SRGAP3: variants seen among roughly 807,000 people sequenced by gnomAD.
SRGAP3 encodes the protein SLIT-ROBO Rho GTPase activating protein 3, also known as SLIT-ROBO Rho GTPase-activating protein 3.
Under a neutral mutation model 121.1 loss-of-function variants are expected in SRGAP3, and 39 were observed. The observed-to-expected ratio is 0.32, with a 90% CI of 0.25 to 0.42. The LOEUF is 0.42. SRGAP3 is among the 10% of genes least tolerant of loss of function. The pLI is 1.00. For synonymous variants in SRGAP3, 601 were observed against 570.0 expected (o/e 1.05, Z -0.77); for missense variants, 1,213 against 1,470.6 (o/e 0.82, Z 2.86).
rs566181375 is a variant in SRGAP3, at chr3:9,150,084, C to T, written c.68-25167G>A. 9.6e-4 allele frequency among the ~76,000 whole-genome samples: 146 copies of T among 152,212 alleles called. 2 individuals carry two copies. Among genetic ancestry groups the T allele is most frequent in the South Asian group, 4.2e-3 (20 of 4,816 alleles). On this transcript the variant is annotated intron_variant, in intron 1 of 21. Coordinates refer to ENST00000383836, the MANE Select transcript of SRGAP3 (RefSeq NM_014850.4). ...CAACTGTAATCCAGTGAGATGAACACTGGGATAGGGCAAGTGCAGGGCACA... is the reference window on the plus strand; with the variant it reads ...CAACTGTAATCCAGTGAGATGAACATTGGGATAGGGCAAGTGCAGGGCACA...
At chr3:9,008,677 C>T (rs1323688532) in intron 18 of SRGAP3, among the ~76,000 whole-genome samples, 1 of 152,180 alleles carries the variant, frequency 6.6e-6, no homozygotes, top group Non-Finnish European at 1.5e-5. Context: ...AAAGCCTCTG[C>T]AGGACACATT....
intron 1 of SRGAP3, among the ~76,000 whole-genome samples, chr3:9,138,025 A>C (rs528603379): frequency 2.3e-4 from 35 of 152,348 alleles, no homozygotes; most frequent in Admixed American, 5.2e-4. Context: ...AGGATTCATT[A>C]ATGCTGAATT....
chr3:9,310,620 T>C (rs538107188), intron 3 of SRGAP3, among the ~76,000 whole-genome samples: 1 of 152,306 alleles, frequency 6.6e-6, no homozygotes, highest in South Asian at 2.1e-4. Context: ...GGTCTGGAAC[T>C]GCTATAACCA....
intron 18 of SRGAP3, among the ~76,000 whole-genome samples, chr3:9,009,235 T>C (rs1226380335): frequency 6.6e-6 from 1 of 152,212 alleles, no homozygotes; most frequent in Non-Finnish European, 1.5e-5. Context: ...AACTGTCACC[T>C]GAATGCCTGC....
intron 3 of SRGAP3, among the ~76,000 whole-genome samples, chr3:9,273,421 T>C (rs1013769200): frequency 6.6e-6 from 1 of 152,232 alleles, no homozygotes; most frequent in African/African-American, 2.4e-5. Context: ...ATCCAAGTCC[T>C]TTGCCAAATT....
chr3:9,091,458 C>T (rs1189512179), intron 3 of SRGAP3, among the ~76,000 whole-genome samples: 2 of 152,188 alleles, frequency 1.3e-5, no homozygotes, highest in African/African-American at 4.8e-5. Context: ...TTCTTCTCCA[C>T]ACTCTGGCTT....
chr3:9,248,153 C>G (rs1319839474), intron 1 of SRGAP3, among the ~76,000 whole-genome samples: 1 of 152,256 alleles, frequency 6.6e-6, no homozygotes, highest in Admixed American at 6.5e-5. Flanking sequence ...GCAGCGCTGA[C>G]CAGCCCAAAC....
intron 3 of SRGAP3, among the ~76,000 whole-genome samples, chr3:9,087,355 A>T (rs1238661335): frequency 6.6e-6 from 1 of 151,970 alleles, no homozygotes; most frequent in Non-Finnish European, 1.5e-5. Context: ...GCCAAGGACA[A>T]GGCTAGGAAG....
chr3:9,246,845 G>C (rs931883064), intron 1 of SRGAP3, among the ~76,000 whole-genome samples: 2 of 152,182 alleles, frequency 1.3e-5, no homozygotes, highest in African/African-American at 4.8e-5. Flanking sequence ...TTAGTATTTG[G>C]AAGAGACAAG....
In SRGAP3 at chr3:8,989,909, TC is replaced by T. The variant is rs760886548; in HGVS notation, c.2886+602del. Among the ~76,000 whole-genome samples, 8 of 152,220 alleles carry T rather than the reference TC, an allele frequency of 5.3e-5. No individual in the cohort carries two copies. In the East Asian group the frequency reaches 9.6e-4, roughly 18 times the overall value. ...GTCAAGTCCTCTCCAGAGAAGTCTC[TC>T]CCTGCCTAGGTGCAATCCTCACATT... On this transcript the variant is annotated intron_variant, in intron 21 of 21. Coordinates refer to ENST00000383836, the MANE Select transcript of SRGAP3 (RefSeq NM_014850.4).
intron 1 of SRGAP3, chr3:9,349,224 C>G: frequency 1.5e-6 from 1 of 645,974 alleles, no homozygotes; most frequent in South Asian, 1.4e-5. Context: ...TCCCCAGGAG[C>G]ACCCTCCCTG....
intron 1 of SRGAP3, among the ~76,000 whole-genome samples, chr3:9,187,216 G>T (rs1560375233): frequency 1.3e-5 from 2 of 149,454 alleles, no homozygotes; most frequent in Non-Finnish European, 1.5e-5. Context: ...TGCGGTGTTT[G>T]GTTTTCTGTT....
chr3:9,068,924 C>T (rs1946550888), intron 4 of SRGAP3, among the ~76,000 whole-genome samples: 1 of 152,138 alleles, frequency 6.6e-6, no homozygotes, highest in Non-Finnish European at 1.5e-5. Context: ...CCAGGCCTTG[C>T]TTTATGCACT....
chr3:9,334,190 T>C (rs1278295557), intron 1 of SRGAP3, among the ~76,000 whole-genome samples: 1 of 152,144 alleles, frequency 6.6e-6, no homozygotes. Context: ...TATATAATTA[T>C]TTCAAAATAA....
In SRGAP3 at chr3:8,989,115, G is replaced by A. The variant is rs371821519; in HGVS notation, c.2886+1397C>T. Reference sequence around the variant, plus strand: ...CTACCCACTCCCTAGCATCCTGTGGGACTAATCTGCTGTGAGAGCTACTTT... The same window carrying A: ...CTACCCACTCCCTAGCATCCTGTGGAACTAATCTGCTGTGAGAGCTACTTT... On this transcript the variant is annotated intron_variant, in intron 21 of 21. Coordinates refer to ENST00000383836, the MANE Select transcript of SRGAP3 (RefSeq NM_014850.4). Among the ~76,000 whole-genome samples, 116 of 152,352 alleles carry A rather than the reference G, an allele frequency of 7.6e-4. No homozygotes were observed. The South Asian group carries it at 8.5e-3, about 11-fold the overall frequency.
intron 11 of SRGAP3, chr3:9,033,658 C>A (rs1252511331): frequency 3.3e-5 from 5 of 152,262 alleles, no homozygotes; most frequent in East Asian, 1.9e-4. Context: ...CTCCTGACGT[C>A]GTGATCTGCC....
intron 3 of SRGAP3, among the ~76,000 whole-genome samples, chr3:9,307,965 G>A (rs534453054): frequency 6.6e-6 from 1 of 152,330 alleles, no homozygotes; most frequent in South Asian, 2.1e-4. Context: ...GACAAGCCTG[G>A]CCAATATGGC....
At chr3:8,990,347 C>A (rs192693058) in intron 21 of SRGAP3, among the ~76,000 whole-genome samples, 165 bp downstream of exon 21, 336 of 152,344 alleles carry the variant, frequency 2.2e-3, no homozygotes, top group African/African-American at 7.2e-3. Context: ...AGTCTCCACT[C>A]CCACGGGAAG....
At chr3:9,336,897 T>C (rs1002512512) in intron 1 of SRGAP3, among the ~76,000 whole-genome samples, 2 of 152,068 alleles carry the variant, frequency 1.3e-5, no homozygotes, top group Admixed American at 1.3e-4. Flanking sequence ...TTTCTCTCTC[T>C]CTCTTTTATT....
Sources: allele counts gnomAD v4.1 joint callset (sites outside exome capture counted in the v4.1 genomes callset), GRCh38; gene constraint gnomAD v4.1.1; transcripts MANE v1.5; gene names NCBI Gene and HGNC (gene_info 2026-07-23, HGNC 2026-07-21).